SYTL5: variants seen among roughly 807,000 people sequenced by gnomAD.
The protein encoded by SYTL5 is synaptotagmin like 5.
Under a neutral mutation model 55.9 loss-of-function variants are expected in SYTL5, and 34 were observed. The ratio of observed to expected loss-of-function variants is 0.61; its 90% confidence interval spans 0.46 to 0.81. The LOEUF (loss-of-function observed/expected upper bound fraction) is 0.81. SYTL5 is among the 30% of genes least tolerant of loss of function. The pLI is 0.00. For synonymous variants in SYTL5, 221 were observed against 188.7 expected (o/e 1.17, Z -1.40); for missense variants, 637 against 546.7 (o/e 1.17, Z -1.65).
the SYTL5 span, among the ~76,000 whole-genome samples, chrX:37,996,627 T>C: frequency 1.8e-5 from 2 of 112,500 alleles, no homozygotes; most frequent in Non-Finnish European, 3.8e-5. Context: ...GAGTCAAGCC[T>C]GAGGGCAGGA....
chrX:38,111,534 C>A (rs371852082), intron 13 of SYTL5, among the ~76,000 whole-genome samples: 1 of 112,155 alleles, frequency 8.9e-6, no homozygotes. Context: ...ATAGCTTGAT[C>A]CAGATGTTCA....
the SYTL5 span, among the ~76,000 whole-genome samples, chrX:37,956,958 T>A: frequency 1.8e-5 from 2 of 112,064 alleles, no homozygotes; most frequent in South Asian, 7.5e-4. Flanking sequence ...ACTTGATATC[T>A]TTCCTTTTTA....
chrX:37,933,651 T>C, the SYTL5 span, among the ~76,000 whole-genome samples: 4 of 111,879 alleles, frequency 3.6e-5, no homozygotes, highest in East Asian at 2.8e-4. Context: ...TAGATTGCAA[T>C]TGAGGTAGAC....
At chrX:38,042,105 T>A (rs1231604547) in intron 2 of SYTL5, among the ~76,000 whole-genome samples, 2 of 111,106 alleles carry the variant, frequency 1.8e-5, no homozygotes, top group Non-Finnish European at 3.8e-5. Context: ...TATGTCTCTA[T>A]ATAGAGATCT....
At chrX:38,026,599 G>C (rs1429539010) in intron 1 of SYTL5, among the ~76,000 whole-genome samples, 2 of 112,223 alleles carry the variant, frequency 1.8e-5, no homozygotes, top group African/African-American at 6.5e-5. Flanking sequence ...CTTATTTCTT[G>C]ATTATATGCT....
intron 10 of SYTL5, 58 bp from the exon 11 acceptor site, chrX:38,106,535 T>A: frequency 9.8e-7 from 1 of 1,015,265 alleles, no homozygotes; most frequent in Non-Finnish European, 1.3e-6. Flanking sequence ...ATGAGTTGAT[T>A]CTGTGAAGAG....
chrX:37,959,157 C>G, the SYTL5 span, among the ~76,000 whole-genome samples: 27 of 111,903 alleles, frequency 2.4e-4, 1 homozygote, highest in East Asian at 5.4e-3. Context: ...GGGGACTCTC[C>G]GTGACAGCTC....
upstream of SYTL5, among the ~76,000 whole-genome samples, chrX:38,002,990 T>G (rs1479128742): frequency 8.9e-6 from 1 of 111,976 alleles, no homozygotes; most frequent in Non-Finnish European, 1.9e-5. Context: ...CTAGGGTTTT[T>G]ATGGTTTTAG....
At chrX:38,107,191 A>C (rs1937242514) in intron 11 of SYTL5, among the ~76,000 whole-genome samples, 1 of 111,938 alleles carries the variant, frequency 8.9e-6, no homozygotes, top group South Asian at 3.7e-4. Context: ...CTGGGAGGGC[A>C]GGTATGGACC....
chrX:37,907,832 T>A, the SYTL5 span, among the ~76,000 whole-genome samples: 1 of 112,329 alleles, frequency 8.9e-6, no homozygotes, highest in African/African-American at 3.2e-5. Context: ...TCTAAATAAA[T>A]GAGAGTTTTC....
At chrX:37,951,327 T>C in the SYTL5 span, among the ~76,000 whole-genome samples, 177 of 111,737 alleles carry the variant, frequency 1.6e-3, 1 homozygote, top group Non-Finnish European at 2.2e-3. Flanking sequence ...AAATATATTA[T>C]TTGGGATTAG....
At chrX:37,908,354 C>G in the SYTL5 span, among the ~76,000 whole-genome samples, 1 of 111,465 alleles carries the variant, frequency 9.0e-6, no homozygotes. Context: ...GAAAAAATAT[C>G]CTTCCCCAAA....
intron 15 of SYTL5, among the ~76,000 whole-genome samples, chrX:38,124,796 A>G (rs1937609729): frequency 8.9e-6 from 1 of 112,118 alleles, no homozygotes; most frequent in African/African-American, 3.2e-5. Context: ...GAAATTATCC[A>G]CCAATTTCTC....
At chrX:38,000,632 A>G in the SYTL5 span, among the ~76,000 whole-genome samples, 1 of 112,379 alleles carries the variant, frequency 8.9e-6, no homozygotes, top group African/African-American at 3.2e-5. Flanking sequence ...TAGTCAGCTC[A>G]ATTAGACCCA....
chrX:37,953,070 G>C, the SYTL5 span, among the ~76,000 whole-genome samples: 1 of 111,431 alleles, frequency 9.0e-6, no homozygotes, highest in Non-Finnish European at 1.9e-5. Context: ...ATTCACTCTG[G>C]AGCGAGTTGC....
chrX:38,096,948 A>G (rs1200997282), intron 9 of SYTL5, among the ~76,000 whole-genome samples: 1 of 111,409 alleles, frequency 9.0e-6, no homozygotes, highest in East Asian at 2.8e-4. Context: ...TTCAAAGTTT[A>G]CTCATGTTCA....
chrX:38,125,504 G>GT lies in SYTL5; in HGVS notation c.2049dup (p.Gly684TrpfsTer33), dbSNP rs753348128. On this transcript the variant is annotated frameshift_variant and splice_region_variant, in exon 16 of 17. Coordinates refer to ENST00000297875, the MANE Select transcript of SYTL5 (RefSeq NM_138780.3). LOFTEE classifies it high-confidence loss of function. ...GGAGGAGTTCGTTTGAATTCTGGAAGTGGTGAGGGATTTGGGGACCCACAG... is the reference window on the plus strand; with the variant it reads ...GGAGGAGTTCGTTTGAATTCTGGAAGTTGGTGAGGGATTTGGGGACCCACAG... The GT allele has an allele frequency of 8.3e-7, 1 of 1,208,928 alleles. No individual in the cohort carries two copies. The highest frequency in any genetic ancestry group is 1.1e-6 in the Non-Finnish European group (1 of 892,887).
intron 1 of SYTL5, among the ~76,000 whole-genome samples, chrX:38,010,067 C>T (rs1166824535): frequency 8.9e-6 from 1 of 112,317 alleles, no homozygotes; most frequent in Non-Finnish European, 1.9e-5. Flanking sequence ...AATCTCAGCT[C>T]TGCTACTTAC....
the SYTL5 span, among the ~76,000 whole-genome samples, chrX:37,938,871 G>A: frequency 2.7e-5 from 3 of 112,010 alleles, no homozygotes; most frequent in Non-Finnish European, 5.6e-5. Context: ...CAAATGAAGG[G>A]TTGAACTTTC....
Sources: gnomAD v4.1 joint callset for allele counts (sites outside exome capture counted in the v4.1 genomes callset) on GRCh38, gnomAD v4.1.1 for gene constraint, MANE v1.5 for transcripts, NCBI Gene and HGNC (gene_info 2026-07-23, HGNC 2026-07-21) for gene names.